The following GPC3 variants were observed in gnomAD, a reference collection of about 807,000 sequenced individuals.
GPC3 encodes the protein glypican 3, also known as glypican-3.
GPC3 carries 3 observed loss-of-function variants against 34.4 expected under a neutral mutation model. That is an observed-to-expected ratio of 0.09 (90% CI 0.04 to 0.23). The LOEUF (loss-of-function observed/expected upper bound fraction) is 0.23, where lower values mean the gene tolerates loss of function less well. Among genes scored for constraint, GPC3 ranks in the 10% least tolerant of loss-of-function variants. The pLI is 1.00. For synonymous variants in GPC3, 177 were observed against 174.0 expected, an observed-to-expected ratio of 1.02 and a Z score of -0.13; for missense variants, 351 against 445.6, an observed-to-expected ratio of 0.79 and a Z score of 1.91.
At chrX:133,711,965 T>C (rs2071272875) in intron 3 of GPC3, among the ~76,000 whole-genome samples, 1 of 112,350 alleles carries the variant, frequency 8.9e-6, no homozygotes, top group Non-Finnish European at 1.9e-5. Context: ...GTGAAAAAAT[T>C]TTGTAGTCTT....
chrX:133,615,305 G>A (rs1043032998), intron 6 of GPC3, among the ~76,000 whole-genome samples: 10 of 111,470 alleles, frequency 9.0e-5, no homozygotes, highest in African/African-American at 3.3e-4. Context: ...AAAAATACTA[G>A]CAATCTGAAT....
intron 2 of GPC3, among the ~76,000 whole-genome samples, chrX:133,796,071 G>A (rs1039269797): frequency 3.8e-5 from 4 of 105,805 alleles, no homozygotes; most frequent in Non-Finnish European, 3.9e-5. Flanking sequence ...TCAGCCTGCC[G>A]AGTAGCTGGG....
At chrX:133,972,624 C>T (rs2076498182) in intron 1 of GPC3, among the ~76,000 whole-genome samples, 1 of 112,426 alleles carries the variant, frequency 8.9e-6, no homozygotes, top group Admixed American at 9.4e-5. Context: ...TTCATTGGCT[C>T]AGTCTGTTAT....
chrX:133,737,888 T>A (rs2071525408), intron 3 of GPC3, among the ~76,000 whole-genome samples: 1 of 111,667 alleles, frequency 9.0e-6, no homozygotes, highest in Non-Finnish European at 1.9e-5. Flanking sequence ...GCAGCATGAG[T>A]GGGGCAATGA....
intron 2 of GPC3, among the ~76,000 whole-genome samples, chrX:133,893,736 G>A (rs747472730): frequency 8.9e-6 from 1 of 111,913 alleles, no homozygotes. Context: ...GTGCAATGAT[G>A]AAATTTTTGA....
chrX:133,650,071 A>G (rs1012876515), intron 6 of GPC3, among the ~76,000 whole-genome samples: 3 of 112,083 alleles, frequency 2.7e-5, no homozygotes, highest in African/African-American at 9.7e-5. Flanking sequence ...GGCATGTGAA[A>G]TACACACACA....
In GPC3 at chrX:133,713,924, C is replaced by G. The variant is rs916503513; in HGVS notation, c.1033-13896G>C. ...TGAAGTGTGTTAATATTTGGAAAATCGGCATAACTCAGTGAGCCAAAATTT... is the reference window on the plus strand; with the variant it reads ...TGAAGTGTGTTAATATTTGGAAAATGGGCATAACTCAGTGAGCCAAAATTT... On this transcript the variant is annotated intron_variant, in intron 3 of 7. Transcript: ENST00000370818. Among the ~76,000 whole-genome samples the G allele has an allele frequency of 5.4e-5, 6 of 111,743 alleles. No individual in the cohort carries two copies. In the South Asian group the frequency reaches 1.9e-3, roughly 35 times the overall value.
chrX:133,562,680 A>G (rs1248517181), intron 7 of GPC3, among the ~76,000 whole-genome samples: 1 of 111,853 alleles, frequency 8.9e-6, no homozygotes, highest in Non-Finnish European at 1.9e-5. Flanking sequence ...CTCAGTCTCC[A>G]TCTGCGATGT....
chrX:133,821,050 T>A (rs2075716642), intron 2 of GPC3, among the ~76,000 whole-genome samples: 1 of 112,280 alleles, frequency 8.9e-6, no homozygotes, highest in South Asian at 3.7e-4. Flanking sequence ...AGCCAAAGGA[T>A]GAAAGTCTTC....
intron 7 of GPC3, among the ~76,000 whole-genome samples, chrX:133,587,999 G>T (rs2069807238): frequency 1.8e-5 from 2 of 111,500 alleles, no homozygotes; most frequent in Admixed American, 9.5e-5. Context: ...GGGTAAGAAG[G>T]TGTCTCATTT....
intron 2 of GPC3, among the ~76,000 whole-genome samples, chrX:133,917,702 G>A (rs937377111): frequency 1.2e-4 from 13 of 111,805 alleles, no homozygotes; most frequent in Non-Finnish European, 2.3e-4. Flanking sequence ...GAGAAAAAGG[G>A]AAGATATTTT....
intron 5 of GPC3, among the ~76,000 whole-genome samples, chrX:133,663,055 T>C (rs986290261): frequency 9.0e-6 from 1 of 111,519 alleles, no homozygotes; most frequent in Non-Finnish European, 1.9e-5. Context: ...GTCAACAGTT[T>C]GATATACATG....
chrX:133,655,353 T>A (rs1293005294), intron 6 of GPC3, among the ~76,000 whole-genome samples: 2 of 111,079 alleles, frequency 1.8e-5, no homozygotes, highest in Admixed American at 1.9e-4. Context: ...CATGAAATAA[T>A]GTTTAACTCC....
intron 7 of GPC3, among the ~76,000 whole-genome samples, chrX:133,539,869 G>A (rs2124262883): frequency 8.9e-6 from 1 of 112,764 alleles, no homozygotes; most frequent in East Asian, 2.8e-4. Context: ...TATGGAGACA[G>A]AGGAAATAGG....
At chrX:133,551,903 C>T (rs1198411853) in intron 7 of GPC3, among the ~76,000 whole-genome samples, 1 of 112,327 alleles carries the variant, frequency 8.9e-6, no homozygotes, top group African/African-American at 3.2e-5. Context: ...CTTTCTTCAT[C>T]TTAGATTCTT....
At chrX:133,702,713 A>G (rs985606912) in intron 3 of GPC3, among the ~76,000 whole-genome samples, 5 of 111,437 alleles carry the variant, frequency 4.5e-5, no homozygotes, top group South Asian at 3.8e-4. Flanking sequence ...GCCACCCAAT[A>G]TAGTATTATC....
intron 3 of GPC3, among the ~76,000 whole-genome samples, chrX:133,751,252 A>T (rs1459155104): frequency 9.0e-6 from 1 of 111,264 alleles, no homozygotes; most frequent in Non-Finnish European, 1.9e-5. Context: ...CCTCTTACTG[A>T]AAGCATTTCC....
chrX:133,881,086 T>C (rs1466177839), intron 2 of GPC3, among the ~76,000 whole-genome samples: 2 of 112,469 alleles, frequency 1.8e-5, no homozygotes, highest in Non-Finnish European at 3.7e-5. Flanking sequence ...CATTTGGTCA[T>C]GCTGCAATTC....
In GPC3 at chrX:133,665,930, C is replaced by A. The variant is rs148426297; in HGVS notation, c.1293-4080G>T. ...TCTGAAATGAACTTCAGGAATGTGT[C>A]CCTAGAGACATATCCTTGGTCTTTT... On this transcript the variant is annotated intron_variant, in intron 5 of 7. Transcript: ENST00000370818. Among the ~76,000 whole-genome samples, 922 of 111,639 alleles carry A rather than the reference C, an allele frequency of 8.3e-3. 11 individuals are homozygous for A. Among genetic ancestry groups the A allele is most frequent in the Non-Finnish European group, 0.012 (652 of 53,132 alleles).
Sources: gnomAD v4.1 joint callset for allele counts (sites outside exome capture counted in the v4.1 genomes callset) on GRCh38, gnomAD v4.1.1 for gene constraint, MANE v1.5 for transcripts, NCBI Gene and HGNC (gene_info 2026-07-23, HGNC 2026-07-21) for gene names.